STXBP5L: variants seen among roughly 807,000 people sequenced by gnomAD.
STXBP5L encodes the protein syntaxin binding protein 5L.
In STXBP5L, 65 loss-of-function variants were observed where a neutral mutation model predicts 144.5. The observed-to-expected ratio is 0.45, with a 90% CI of 0.37 to 0.55. The LOEUF is 0.55. Among genes scored for constraint, STXBP5L ranks in the 20% least tolerant of loss-of-function variants. STXBP5L has a pLI of 0.00. For missense variants in STXBP5L, 1,298 were observed against 1,405.5 expected (o/e 0.92, Z 1.22); for synonymous variants, 505 against 469.6 (o/e 1.08, Z -0.97).
At chr3:120,957,060 C>T (rs1447920992) in intron 3 of STXBP5L, among the ~76,000 whole-genome samples, 1 of 151,956 alleles carries the variant, frequency 6.6e-6, no homozygotes, top group Non-Finnish European at 1.5e-5. Context: ...TTTCCCAGAA[C>T]CATTTGTTGA....
At chr3:121,093,919 A>G (rs189806847) in intron 5 of STXBP5L, among the ~76,000 whole-genome samples, 17 of 151,822 alleles carry the variant, frequency 1.1e-4, no homozygotes, top group African/African-American at 3.1e-4. Context: ...AGTGCTATAC[A>G]TTTCCCTCTA....
chr3:120,951,804 G>C (rs1197817451), intron 2 of STXBP5L, among the ~76,000 whole-genome samples: 1 of 152,022 alleles, frequency 6.6e-6, no homozygotes, highest in Non-Finnish European at 1.5e-5. Flanking sequence ...CCCATTACGG[G>C]GTATATACCG....
intron 18 of STXBP5L, among the ~76,000 whole-genome samples, chr3:121,262,165 G>C (rs1190760570): frequency 6.6e-6 from 1 of 152,160 alleles, no homozygotes; most frequent in Admixed American, 6.5e-5. Flanking sequence ...TTGAGGATTA[G>C]ATGGTCTGAA....
rs2049024803 is a variant in STXBP5L at position 121,223,155 on chromosome 3, A to G, written c.1109A>G (p.Asn370Ser). Residue 370 changes from asparagine (N) to serine (S), a missense_variant and splice_region_variant, in exon 11 of 27, where the codon AAT becomes AGT. Physicochemically the swap from Asn to Ser is conservative, Grantham distance 46 (BLOSUM62 1). Transcript: ENST00000471454. ...FLTLCETPYPNEFQEPYAVVV... is the reference protein window; with the variant it reads ...FLTLCETPYPSEFQEPYAVVV... ...ACTTTATGTGAAACGCCCTATCCAA[A>G]TGGTAAGTAACTAAAATGAAACTAT... is the stretch of plus-strand genomic sequence containing the variant. The G allele has an allele frequency of 1.3e-6, 2 of 1,584,062 alleles. No homozygotes were observed. The highest frequency in any genetic ancestry group is 2.2e-5 in the East Asian group (1 of 44,550).
chr3:121,350,744 G>T (rs1369086220), intron 20 of STXBP5L, among the ~76,000 whole-genome samples: 2 of 151,932 alleles, frequency 1.3e-5, no homozygotes, highest in East Asian at 3.9e-4. Flanking sequence ...TCTTCCAGTT[G>T]ATCGAATCAG....
At chr3:121,190,940 C>T (rs572573763) in intron 9 of STXBP5L, among the ~76,000 whole-genome samples, 1,821 of 150,046 alleles carry the variant, frequency 0.012, 25 homozygotes, top group African/African-American at 0.032. Flanking sequence ...ATATCTCAGA[C>T]GGGGCGGCGG....
intron 3 of STXBP5L, among the ~76,000 whole-genome samples, chr3:121,007,108 T>G (rs552208628): frequency 6.6e-6 from 1 of 152,184 alleles, no homozygotes; most frequent in South Asian, 2.1e-4. Context: ...TCTTGCTAGA[T>G]TGGGGAAGTT....
At chr3:120,990,733 G>T (rs988692363) in intron 3 of STXBP5L, among the ~76,000 whole-genome samples, 23 of 152,198 alleles carry the variant, frequency 1.5e-4, no homozygotes, top group South Asian at 6.2e-4. Context: ...ATGGGGAAAA[G>T]ATTCCTTATT....
At chr3:121,066,361 C>CAT (rs1560083379) in intron 5 of STXBP5L, among the ~76,000 whole-genome samples, 27 of 103,594 alleles carry the variant, frequency 2.6e-4, no homozygotes, top group Non-Finnish European at 3.3e-4. Context: ...TTCCTATAAG[C>CAT]GTATATATAT....
intron 7 of STXBP5L, among the ~76,000 whole-genome samples, chr3:121,136,056 CA>C (rs2045243616): frequency 6.6e-6 from 1 of 152,190 alleles, no homozygotes; most frequent in Non-Finnish European, 1.5e-5. Context: ...ACCTCAGTGG[CA>C]GGCAGATTAT....
At chr3:121,190,684 GC>G (rs1179203006) in intron 9 of STXBP5L, among the ~76,000 whole-genome samples, 4 of 151,360 alleles carry the variant, frequency 2.6e-5, no homozygotes, top group African/African-American at 9.7e-5. Flanking sequence ...GGCGGCGGCT[GC>G]CCCCCACCTC....
At chr3:120,950,542 T>G (rs1711148599) in intron 2 of STXBP5L, among the ~76,000 whole-genome samples, 1 of 149,606 alleles carries the variant, frequency 6.7e-6, no homozygotes, top group Non-Finnish European at 1.5e-5. Flanking sequence ...TTTGTCAATT[T>G]TTTTTATTAT....
intron 22 of STXBP5L, among the ~76,000 whole-genome samples, chr3:121,382,482 A>G (rs113180957): frequency 0.014 from 2,205 of 152,210 alleles, 49 homozygotes; most frequent in African/African-American, 0.05. Flanking sequence ...AATATACACA[A>G]TTCTTTTGAC....
intron 14 of STXBP5L, among the ~76,000 whole-genome samples, chr3:121,246,885 T>A (rs2049871591): frequency 6.6e-6 from 1 of 152,142 alleles, no homozygotes; most frequent in Non-Finnish European, 1.5e-5. Flanking sequence ...AAAAAAAGAA[T>A]CTATATAAGC....
chr3:121,183,088 C>G (rs554871062), intron 9 of STXBP5L, among the ~76,000 whole-genome samples: 2 of 152,136 alleles, frequency 1.3e-5, no homozygotes, highest in African/African-American at 4.8e-5. Context: ...TGACAAAATC[C>G]AGCATCCCAT....
intron 5 of STXBP5L, among the ~76,000 whole-genome samples, chr3:121,072,149 T>C (rs910946020): frequency 1.3e-5 from 2 of 152,242 alleles, no homozygotes; most frequent in African/African-American, 4.8e-5. Context: ...TTAGGAATAA[T>C]GTCCTTTAGT....
intron 7 of STXBP5L, among the ~76,000 whole-genome samples, chr3:121,124,344 G>T (rs2044607786): frequency 6.6e-6 from 1 of 151,892 alleles, no homozygotes; most frequent in African/African-American, 2.4e-5. Context: ...CAAGCTCAAT[G>T]TGATTCTCAA....
intron 18 of STXBP5L, among the ~76,000 whole-genome samples, chr3:121,262,232 A>T (rs545998320): frequency 6.6e-6 from 1 of 152,330 alleles, no homozygotes; most frequent in African/African-American, 2.4e-5. Context: ...CCCAAAATTT[A>T]TGTCTTTCTC....
At chr3:121,063,257 A>G (rs929665073) in intron 5 of STXBP5L, among the ~76,000 whole-genome samples, 1 of 152,186 alleles carries the variant, frequency 6.6e-6, no homozygotes, top group Non-Finnish European at 1.5e-5. Context: ...TCTTTCTAAC[A>G]GTCAGGCCAT....
Sources: allele counts gnomAD v4.1 joint callset (sites outside exome capture counted in the v4.1 genomes callset), GRCh38; gene constraint gnomAD v4.1.1; transcripts MANE v1.5; gene names NCBI Gene and HGNC (gene_info 2026-07-23, HGNC 2026-07-21).